The following WDR17 variants were observed in gnomAD, a reference collection of about 807,000 sequenced individuals.
WDR17 encodes the protein WD repeat domain 17, also known as WD repeat-containing protein 17.
Under a neutral mutation model 161.7 loss-of-function variants are expected in WDR17, and 143 were observed. The observed-to-expected ratio is 0.88, with a 90% CI of 0.77 to 1.02. WDR17 has a LOEUF of 1.02. WDR17 is among the 50% of genes least tolerant of loss of function. The pLI is 0.00. For synonymous variants in WDR17, 517 were observed against 515.6 expected (o/e 1.00, Z -0.04); for missense variants, 1,469 against 1,520.9 (o/e 0.97, Z 0.57).
chr4:176,093,808 C>G (rs187090363), intron 1 of WDR17, among the ~76,000 whole-genome samples: 1 of 152,096 alleles, frequency 6.6e-6, no homozygotes. Flanking sequence ...GAACCAGATC[C>G]CATCTATTCT....
At chr4:176,120,289 TA>T (rs1741347900) in intron 4 of WDR17, among the ~76,000 whole-genome samples, 192 bp downstream of exon 4, 7 of 4,522 alleles carry the variant, frequency 1.5e-3, no homozygotes, top group South Asian at 0.034. Context: ...TTTGAAGTTT[TA>T]TATATATATA....
intron 20 of WDR17, 57 bp from the exon 21 acceptor site, chr4:176,162,018 T>A (rs1361761319): frequency 4.2e-6 from 6 of 1,415,550 alleles, no homozygotes; most frequent in Non-Finnish European, 5.8e-6. Flanking sequence ...AAGTATTAGT[T>A]TGCTTTTATA....
chr4:176,071,296 A>G (rs987241370), intron 1 of WDR17, among the ~76,000 whole-genome samples: 1 of 151,414 alleles, frequency 6.6e-6, no homozygotes, highest in Non-Finnish European at 1.5e-5. Flanking sequence ...ATAATTGAAA[A>G]TATGTGATTT....
chr4:176,162,046 A>G (rs1456926951), intron 20 of WDR17, 29 bp from the exon 21 acceptor site: 8 of 1,558,872 alleles, frequency 5.1e-6, no homozygotes, highest in Non-Finnish European at 6.1e-6. Flanking sequence ...ACTTGTGTTT[A>G]TATAGAATAC....
chr4:176,160,950 G>A lies in WDR17; in HGVS notation c.2698G>A (p.Val900Met), dbSNP rs149393717. ...EGNMQPLHVS[V>M]PKGASYSDDI... ...AAATATGCAGCCCTTACATGTTTCC[G>A]TGCCTAAAGGAGCTTCATATTCTGA... Residue 900 changes from valine (V) to methionine (M), a missense_variant, in exon 20 of 29, where the codon GTG becomes ATG. Transcript: ENST00000508596. 6.4e-5 allele frequency: 103 copies of A among 1,609,778 alleles called. No homozygotes were observed. The highest frequency in any genetic ancestry group is 8.4e-5 in the Admixed American group (5 of 59,514).
At chr4:176,151,693 G>A (rs925088806) in intron 16 of WDR17, 119 bp from the exon 17 acceptor site, 8 of 889,640 alleles carry the variant, frequency 9.0e-6, no homozygotes, top group African/African-American at 6.8e-5. Context: ...TTTTTTGTGT[G>A]TTAGGAACAT....
At chr4:176,168,382 A>C (rs1292910416) in intron 22 of WDR17, among the ~76,000 whole-genome samples, 2 of 152,192 alleles carry the variant, frequency 1.3e-5, no homozygotes, top group African/African-American at 4.8e-5. Flanking sequence ...TACTTAGATT[A>C]GAGAATTGTT....
chr4:176,073,351 G>C (rs1247485071), intron 1 of WDR17, among the ~76,000 whole-genome samples: 2 of 151,946 alleles, frequency 1.3e-5, no homozygotes, highest in South Asian at 2.1e-4. Flanking sequence ...GAGAACATGC[G>C]GTGTTTGGTT....
At position 176,168,769 on chromosome 4, in the gene WDR17, G is replaced by A. The variant is rs574978015; in HGVS notation, c.3088G>A (p.Asp1030Asn). Residue 1030 changes from aspartate (D) to asparagine (N), a missense_variant, in exon 23 of 29, where the codon GAC becomes AAC. Asp to Asn is a conservative substitution (Grantham distance 23). Coordinates refer to ENST00000508596, the MANE Select transcript of WDR17 (RefSeq NM_181265.4). ...CCCAGGATGTACTGAAGAGATAAAT[G>A]ACCTTCATGATAAGGTATGCTGATG... is the stretch of plus-strand genomic sequence containing the variant. ...FYPGCTEEIN[D>N]LHDKCKLPTV... 401 of 1,611,178 alleles carry A rather than the reference G, an allele frequency of 2.5e-4. 8 individuals carry two copies. The South Asian group carries it at 3.6e-3, about 15-fold the overall frequency.
intron 1 of WDR17, among the ~76,000 whole-genome samples, chr4:176,090,828 T>C (rs1398629507): frequency 1.3e-5 from 2 of 152,206 alleles, no homozygotes; most frequent in Admixed American, 1.3e-4. Context: ...TTTCTATAGA[T>C]TATAGATTAA....
chr4:176,140,950 C>T (rs1436828766), intron 10 of WDR17, among the ~76,000 whole-genome samples: 1 of 152,186 alleles, frequency 6.6e-6, no homozygotes, highest in Non-Finnish European at 1.5e-5. Flanking sequence ...ACAGATATCA[C>T]TTTCAGTGAC....
chr4:176,092,704 C>A (rs769530234), intron 1 of WDR17, among the ~76,000 whole-genome samples: 33 of 152,090 alleles, frequency 2.2e-4, no homozygotes, highest in Non-Finnish European at 3.8e-4. Context: ...AATCAACATA[C>A]AAAAATAAGC....
chr4:176,149,803 T>A lies in WDR17; in HGVS notation c.1898-4T>A. 2 of 1,607,900 alleles carry A rather than the reference T, an allele frequency of 1.2e-6. No individual in the cohort carries two copies. The highest frequency in any genetic ancestry group is 1.7e-6 in the Non-Finnish European group (2 of 1,178,674). ...TACTTAAAATAGGTTTTTATTTTCATCAGGTTTAACCTGCCATCCCAGTCG... is the reference window on the plus strand; with the variant it reads ...TACTTAAAATAGGTTTTTATTTTCAACAGGTTTAACCTGCCATCCCAGTCG... On this transcript the variant is annotated splice_polypyrimidine_tract_variant and splice_region_variant and intron_variant, in intron 13 of 28. Transcript: ENST00000508596.
intron 6 of WDR17, among the ~76,000 whole-genome samples, chr4:176,129,965 A>AT (rs71597418): frequency 0.26 from 38,703 of 151,670 alleles, 5,125 homozygotes; most frequent in African/African-American, 0.3. Context: ...CTTTTCTTTC[A>AT]TTTTTTTTCT....
intron 1 of WDR17, among the ~76,000 whole-genome samples, chr4:176,092,820 T>A (rs1227780745): frequency 1.3e-5 from 2 of 152,128 alleles, no homozygotes; most frequent in Non-Finnish European, 2.9e-5. Flanking sequence ...GGTGGGTGGA[T>A]CACTAGCGGT....
At chr4:176,111,023 C>A (rs976178163) in intron 1 of WDR17, among the ~76,000 whole-genome samples, 1 of 152,220 alleles carries the variant, frequency 6.6e-6, no homozygotes, top group Admixed American at 6.5e-5. Context: ...CTGTCTTATG[C>A]ACCTCAAATA....
chr4:176,137,438 A>C (rs1049805774), intron 8 of WDR17, 82 bp from the exon 9 acceptor site: 6 of 1,129,060 alleles, frequency 5.3e-6, no homozygotes, highest in African/African-American at 1.6e-5. Flanking sequence ...CACAGTTCTT[A>C]CATTTTCACA....
intron 6 of WDR17, among the ~76,000 whole-genome samples, chr4:176,129,991 C>A (rs1743096728): frequency 6.6e-6 from 1 of 152,012 alleles, no homozygotes; most frequent in African/African-American, 2.4e-5. Flanking sequence ...TAAAAGTAGC[C>A]CATGTCCATT....
chr4:176,113,876 A>C (rs2126701797), intron 2 of WDR17, among the ~76,000 whole-genome samples: 1 of 152,176 alleles, frequency 6.6e-6, no homozygotes, highest in Admixed American at 6.5e-5. Context: ...CTGATATGTT[A>C]ATGTACCCTA....
Sources: allele counts gnomAD v4.1 joint callset (sites outside exome capture counted in the v4.1 genomes callset), GRCh38; gene constraint gnomAD v4.1.1; transcripts MANE v1.5; gene names NCBI Gene and HGNC (gene_info 2026-07-23, HGNC 2026-07-21).